Variants in PDGFD observed in about 807,000 individuals in gnomAD.
PDGFD encodes the protein platelet derived growth factor D, also known as platelet-derived growth factor D.
Under a neutral mutation model 44.7 loss-of-function variants are expected in PDGFD, and 30 were observed. The ratio of observed to expected loss-of-function variants is 0.67; its 90% CI spans 0.50 to 0.91. The LOEUF is 0.91. Ranked by LOEUF, PDGFD falls within the 40% of genes least tolerant of loss-of-function variation. The probability of loss-of-function intolerance (pLI) is 0.00; values close to 1 mark genes in which losing one functional copy is unlikely to be tolerated. For synonymous variants in PDGFD, 173 were observed against 168.4 expected (o/e 1.03, Z -0.21); for missense variants, 445 against 457.8 (o/e 0.97, Z 0.25).
intron 6 of PDGFD, among the ~76,000 whole-genome samples, chr11:103,911,926 C>T (rs1261745785): frequency 1.3e-5 from 2 of 149,938 alleles, no homozygotes; most frequent in East Asian, 2.0e-4. Context: ...GACAAGATTA[C>T]AGAAAAAAGA....
At chr11:103,984,195 G>A (rs996090881) in intron 3 of PDGFD, among the ~76,000 whole-genome samples, 4 of 151,594 alleles carry the variant, frequency 2.6e-5, no homozygotes, top group African/African-American at 4.9e-5. Flanking sequence ...TAAACAAAAT[G>A]TGGTATATAT....
At chr11:104,085,228 C>A (rs1346006874) in intron 1 of PDGFD, among the ~76,000 whole-genome samples, 1 of 152,038 alleles carries the variant, frequency 6.6e-6, no homozygotes, top group African/African-American at 2.4e-5. Context: ...AATAGCCATA[C>A]CTTTCATCCA....
At chr11:104,069,617 T>C (rs182980800) in intron 1 of PDGFD, among the ~76,000 whole-genome samples, 1 of 152,284 alleles carries the variant, frequency 6.6e-6, no homozygotes, top group East Asian at 1.9e-4. Context: ...TCCCAGCACT[T>C]TGGGAGTTCG....
At chr11:103,956,331 C>T (rs570975583) in intron 3 of PDGFD, among the ~76,000 whole-genome samples, 8 of 151,166 alleles carry the variant, frequency 5.3e-5, no homozygotes, top group South Asian at 4.2e-4. Flanking sequence ...TTTGTCTTTG[C>T]GATAGATTAC....
In PDGFD at chr11:104,025,705, C is replaced by T. The variant is rs141841747; in HGVS notation, c.125-25450G>A. Among the ~76,000 whole-genome samples the T allele has an allele frequency of 9.0e-4, 137 of 152,240 alleles. 1 individual carries two copies. The highest frequency in any genetic ancestry group is 2.7e-3 in the Admixed American group (42 of 15,296). ...ACTAAGACCCAAGGGCACTGGAAAG[C>T]GGAAGGTGTCAGCATTTGTAGGAAC... is the stretch of plus-strand genomic sequence containing the variant. On this transcript the variant is annotated intron_variant, in intron 1 of 6. Coordinates refer to ENST00000393158, the MANE Select transcript of PDGFD (RefSeq NM_025208.5).
At chr11:104,141,834 T>C (rs1862090255) in intron 1 of PDGFD, among the ~76,000 whole-genome samples, 1 of 152,188 alleles carries the variant, frequency 6.6e-6, no homozygotes, top group Non-Finnish European at 1.5e-5. Context: ...AGAAGGTGTG[T>C]GGCCTTACTG....
chr11:104,008,164 T>G (rs1859731924), intron 1 of PDGFD, among the ~76,000 whole-genome samples: 2 of 152,154 alleles, frequency 1.3e-5, no homozygotes, highest in South Asian at 4.1e-4. Flanking sequence ...TTTCTCAACC[T>G]GATACATTAG....
intron 3 of PDGFD, among the ~76,000 whole-genome samples, chr11:103,984,919 T>G (rs28713458): frequency 7.0e-5 from 9 of 129,132 alleles, no homozygotes; most frequent in South Asian, 2.5e-4. Context: ...ATTTAATATA[T>G]TTATATTTAT....
chr11:103,938,688 G>C (rs1346552141), intron 5 of PDGFD, among the ~76,000 whole-genome samples: 1 of 152,178 alleles, frequency 6.6e-6, no homozygotes. Context: ...ATGGTTTTAG[G>C]TCTAACATTT....
In PDGFD at chr11:104,037,035, C is replaced by G. The variant is rs748448715; in HGVS notation, c.125-36780G>C. The G allele has an allele frequency of 3.7e-6, 6 of 1,614,122 alleles. No homozygotes were observed. The highest frequency in any genetic ancestry group is 5.1e-6 in the Non-Finnish European group (6 of 1,180,046). On this transcript the variant is annotated intron_variant, in intron 1 of 6. Transcript: ENST00000393158. The stretch of plus-strand genomic sequence containing the variant: ...CCTACGGCCTCAAAGATGGCGATAT[C>G]GTGGTTTTACTGCAGAAGGACAATG...
Position 103,935,920 on chromosome 11 carries a change from T to A in PDGFD, c.772+7532A>T, listed in dbSNP as rs563869642. Among the ~76,000 whole-genome samples the A allele has an allele frequency of 1.2e-3, 178 of 152,314 alleles. 1 individual carries two copies. Among genetic ancestry groups the A allele is most frequent in the African/African-American group, 4.0e-3 (168 of 41,578 alleles). On this transcript the variant is annotated intron_variant, in intron 5 of 6. Coordinates refer to ENST00000393158, the MANE Select transcript of PDGFD (RefSeq NM_025208.5). ...CTGCTACTGATTTTAGGATTTGAGT[T>A]AGAATTTTATTACAAGTTAGTTTGA...
At chr11:104,001,290 A>G (rs964822063) in intron 1 of PDGFD, among the ~76,000 whole-genome samples, 1 of 152,252 alleles carries the variant, frequency 6.6e-6, no homozygotes, top group Non-Finnish European at 1.5e-5. Context: ...TAGCAGGCTG[A>G]TGTGTCCCGA....
intron 1 of PDGFD, among the ~76,000 whole-genome samples, chr11:104,097,706 C>A (rs1039813033): frequency 1.3e-5 from 2 of 152,158 alleles, no homozygotes; most frequent in Admixed American, 6.5e-5. Flanking sequence ...AATCCCCGCA[C>A]CAACTCTATG....
At chr11:103,955,720 T>A (rs1269195768) in intron 3 of PDGFD, among the ~76,000 whole-genome samples, 1 of 152,186 alleles carries the variant, frequency 6.6e-6, no homozygotes, top group East Asian at 1.9e-4. Context: ...CTGTGAAATT[T>A]AATAATATAT....
intron 1 of PDGFD, among the ~76,000 whole-genome samples, chr11:104,098,381 G>T (rs1479608146): frequency 1.3e-5 from 2 of 152,068 alleles, no homozygotes; most frequent in Non-Finnish European, 2.9e-5. Context: ...AGGTGTCTGT[G>T]GTAAGGGGGA....
At chr11:103,940,495 G>A (rs1858565950) in intron 5 of PDGFD, among the ~76,000 whole-genome samples, 1 of 151,998 alleles carries the variant, frequency 6.6e-6, no homozygotes, top group African/African-American at 2.4e-5. Flanking sequence ...TCCTGAAAAG[G>A]CAAAGTTTTA....
At chr11:104,149,017 T>G (rs1329273005) in intron 1 of PDGFD, among the ~76,000 whole-genome samples, 2 of 152,216 alleles carry the variant, frequency 1.3e-5, no homozygotes, top group Admixed American at 6.5e-5. Flanking sequence ...ACTAAAAATC[T>G]TTAAATAACA....
intron 3 of PDGFD, among the ~76,000 whole-genome samples, chr11:103,963,252 C>T (rs1858966426): frequency 6.6e-6 from 1 of 152,070 alleles, no homozygotes; most frequent in Non-Finnish European, 1.5e-5. Flanking sequence ...AGAATGTGCA[C>T]TAAGATTTTG....
rs747431950 is a variant in PDGFD at position 104,039,276 on chromosome 11, ATTTTT to A, written c.125-39026_125-39022del. ...TACAACTGAGATTCCTCACCTAATA[ATTTTT>A]TTTTTCCTGGGAGGGGTCACTTTTC... is the stretch of plus-strand genomic sequence containing the variant. On this transcript the variant is annotated intron_variant, in intron 1 of 6. Transcript: ENST00000393158. 3 of 160,728 alleles carry A rather than the reference ATTTTT, an allele frequency of 1.9e-5. No individual in the cohort carries two copies. The South Asian group carries it at 6.3e-4, about 34-fold the overall frequency. The allele number at this position is 160,728 out of a possible 1,614,324, so 10.0% of individuals were successfully genotyped here.
Sources: allele counts gnomAD v4.1 joint callset (sites outside exome capture counted in the v4.1 genomes callset), GRCh38; gene constraint gnomAD v4.1.1; transcripts MANE v1.5; gene names NCBI Gene and HGNC (gene_info 2026-07-23, HGNC 2026-07-21).